CNTN4: variants seen among roughly 807,000 people sequenced by gnomAD.
CNTN4 encodes contactin 4.
A neutral mutation model predicts 122.5 loss-of-function variants in CNTN4; 77 were observed. That is an observed-to-expected ratio of 0.63 (90% confidence interval 0.52 to 0.76). The LOEUF (loss-of-function observed/expected upper bound fraction) is 0.76, where lower values mean the gene tolerates loss of function less well. CNTN4 is among the 30% of genes least tolerant of loss of function. CNTN4 has a pLI of 0.00. For synonymous variants in CNTN4, 512 were observed against 447.0 expected (o/e 1.15, Z -1.83); for missense variants, 1,256 against 1,259.1 (o/e 1.00, Z 0.04).
At chr3:2,708,240 A>C (rs1022075556) in intron 4 of CNTN4, among the ~76,000 whole-genome samples, 2 of 152,180 alleles carry the variant, frequency 1.3e-5, no homozygotes, top group Non-Finnish European at 2.9e-5. Context: ...GAGCTTTACT[A>C]CTTACCTTGA....
chr3:2,873,725 A>T (rs1048764374), intron 8 of CNTN4, among the ~76,000 whole-genome samples: 2 of 152,178 alleles, frequency 1.3e-5, no homozygotes, highest in African/African-American at 4.8e-5. Flanking sequence ...CCACTTAATT[A>T]ACCTAGTGGG....
chr3:2,994,813 C>G (rs1483421039), intron 14 of CNTN4, among the ~76,000 whole-genome samples: 1 of 152,074 alleles, frequency 6.6e-6, no homozygotes, highest in Non-Finnish European at 1.5e-5. Flanking sequence ...GCCCAATCTT[C>G]TATGTAAAAC....
chr3:2,465,370 CG>C (rs1176403721), intron 3 of CNTN4, among the ~76,000 whole-genome samples: 1 of 152,002 alleles, frequency 6.6e-6, no homozygotes, highest in East Asian at 1.9e-4. Context: ...ATGCCTTCTT[CG>C]GTCTCTTAAA....
At chr3:2,897,377 G>A (rs2094126596) in intron 10 of CNTN4, among the ~76,000 whole-genome samples, 1 of 151,950 alleles carries the variant, frequency 6.6e-6, no homozygotes, top group South Asian at 2.1e-4. Context: ...CAAAACAGAT[G>A]GTTCTCTTTT....
chr3:2,314,526 C>A (rs1209978453), intron 2 of CNTN4, among the ~76,000 whole-genome samples: 2 of 151,572 alleles, frequency 1.3e-5, no homozygotes, highest in Admixed American at 6.6e-5. Context: ...AAGGGTAGGG[C>A]AAATCATTAT....
chr3:2,282,002 T>C (rs2149903105), intron 2 of CNTN4, among the ~76,000 whole-genome samples: 1 of 152,288 alleles, frequency 6.6e-6, no homozygotes, highest in East Asian at 1.9e-4. Context: ...TTGCTTTTAT[T>C]TTTGCATATA....
At chr3:2,364,041 A>G (rs916827361) in intron 3 of CNTN4, among the ~76,000 whole-genome samples, 1 of 152,066 alleles carries the variant, frequency 6.6e-6, no homozygotes, top group Non-Finnish European at 1.5e-5. Context: ...TGAGAGCTAG[A>G]GCTTTGCCTG....
intron 14 of CNTN4, among the ~76,000 whole-genome samples, chr3:3,004,363 A>T (rs570000483): frequency 2.9e-4 from 44 of 152,198 alleles, no homozygotes; most frequent in African/African-American, 1.0e-3. Context: ...ACTGTTGGAG[A>T]ATAGTCCCCC....
intron 3 of CNTN4, among the ~76,000 whole-genome samples, chr3:2,340,300 T>A (rs1299088481): frequency 6.6e-6 from 1 of 152,086 alleles, no homozygotes; most frequent in Admixed American, 6.6e-5. Context: ...TGGAGGAAGG[T>A]CTCATTCCAT....
In CNTN4 at chr3:2,190,671, A is replaced by G. The variant is rs1441611636; in HGVS notation, c.-145+90032A>G. Among the ~76,000 whole-genome samples the G allele has an allele frequency of 2.0e-5, 3 of 152,090 alleles. 1 individual carries two copies. Among genetic ancestry groups the G allele is most frequent in the South Asian group, 4.2e-4 (2 of 4,812 alleles). ...TGAAGTTACAGGACCCCCATTCTCC[A>G]TTCATCCTAGCAGATCTCACCATCC... On this transcript the variant is annotated intron_variant, in intron 2 of 24. Transcript: ENST00000418658.
Position 2,528,955 on chromosome 3 carries a change from A to G in CNTN4, c.-88-42461A>G, listed in dbSNP as rs564549951. Among the ~76,000 whole-genome samples the G allele has an allele frequency of 6.6e-5, 10 of 152,256 alleles. No individual in the cohort carries two copies. In the East Asian group the frequency reaches 1.4e-3, roughly 21 times the overall value. On this transcript the variant is annotated intron_variant, in intron 3 of 24. Transcript: ENST00000418658. ...CATTCATCATTTCTTTGTGTTGAGA[A>G]CATTCAAAATCCTCTCTTCTAGCTT...
At chr3:2,538,520 AG>A (rs1264214140) in intron 3 of CNTN4, among the ~76,000 whole-genome samples, 1 of 152,116 alleles carries the variant, frequency 6.6e-6, no homozygotes, top group Non-Finnish European at 1.5e-5. Context: ...AATTAAAAAA[AG>A]TTAATCCGTT....
intron 14 of CNTN4, among the ~76,000 whole-genome samples, chr3:3,007,883 A>G (rs1229090798): frequency 6.6e-6 from 1 of 152,194 alleles, no homozygotes; most frequent in Non-Finnish European, 1.5e-5. Context: ...GGAACAACAG[A>G]GATAAACCCA....
chr3:2,372,030 T>C (rs2045650131), intron 3 of CNTN4, among the ~76,000 whole-genome samples: 3 of 152,230 alleles, frequency 2.0e-5, no homozygotes, highest in Admixed American at 6.5e-5. Flanking sequence ...CTCATTTAAA[T>C]AAACAATCAT....
chr3:2,218,223 G>A (rs1215594232), intron 2 of CNTN4, among the ~76,000 whole-genome samples: 2 of 152,200 alleles, frequency 1.3e-5, no homozygotes, highest in East Asian at 1.9e-4. Context: ...GTTAAAATGT[G>A]CAATCTAATT....
At chr3:2,351,586 C>T (rs1022808733) in intron 3 of CNTN4, among the ~76,000 whole-genome samples, 1 of 152,052 alleles carries the variant, frequency 6.6e-6, no homozygotes. Context: ...GATACATTCC[C>T]CGTGGAGTAG....
chr3:2,654,766 G>A (rs944646517), intron 4 of CNTN4, among the ~76,000 whole-genome samples: 1 of 152,148 alleles, frequency 6.6e-6, no homozygotes, highest in African/African-American at 2.4e-5. Context: ...AATACAGTTA[G>A]GAGTCCTGGA....
At chr3:2,384,616 A>G (rs1441247152) in intron 3 of CNTN4, among the ~76,000 whole-genome samples, 2 of 152,182 alleles carry the variant, frequency 1.3e-5, no homozygotes, top group East Asian at 1.9e-4. Flanking sequence ...AGGACTTAAA[A>G]TTACTCCCTT....
chr3:3,016,464 A>T (rs1273215418), intron 14 of CNTN4, among the ~76,000 whole-genome samples: 1 of 152,160 alleles, frequency 6.6e-6, no homozygotes, highest in Non-Finnish European at 1.5e-5. Flanking sequence ...ACAAATCCAG[A>T]CCCCGGAGGT....
Sources: allele counts gnomAD v4.1 joint callset (sites outside exome capture counted in the v4.1 genomes callset), GRCh38; gene constraint gnomAD v4.1.1; transcripts MANE v1.5; gene names NCBI Gene and HGNC (gene_info 2026-07-23, HGNC 2026-07-21).